Variants in RALGAPA1 observed in about 807,000 individuals in gnomAD.
The protein encoded by RALGAPA1 is Ral GTPase activating protein catalytic subunit alpha 1, also known as ral GTPase-activating protein subunit alpha-1.
In RALGAPA1, 52 loss-of-function variants were observed where a neutral mutation model predicts 269.6. That is an observed-to-expected ratio of 0.19 (90% CI 0.15 to 0.24). RALGAPA1 has a LOEUF of 0.24. Ranked by LOEUF, RALGAPA1 falls within the 10% of genes least tolerant of loss-of-function variation. RALGAPA1 has a pLI of 1.00. For synonymous variants in RALGAPA1, 817 were observed against 1,008.3 expected, an observed-to-expected ratio of 0.81 and a Z score of 3.60; for missense variants, 1,917 against 3,013.9, an observed-to-expected ratio of 0.64 and a Z score of 8.52.
At chr14:35,598,380 T>C (rs2059054169) in intron 36 of RALGAPA1, among the ~76,000 whole-genome samples, 1 of 151,088 alleles carries the variant, frequency 6.6e-6, no homozygotes, top group African/African-American at 2.4e-5. Flanking sequence ...ATCCTTTTAC[T>C]TTCTGCCAGT....
intron 1 of RALGAPA1, among the ~76,000 whole-genome samples, chr14:35,795,325 G>A (rs966298563): frequency 1.3e-5 from 2 of 152,052 alleles, no homozygotes; most frequent in Non-Finnish European, 2.9e-5. Flanking sequence ...CACCAAGAAG[G>A]AGACAGCTAC....
chr14:35,576,995 T>C (rs2057606552), intron 37 of RALGAPA1, among the ~76,000 whole-genome samples: 6 of 152,244 alleles, frequency 3.9e-5, no homozygotes, highest in African/African-American at 1.4e-4. Flanking sequence ...AAATGCTTTA[T>C]TGCAGTCTAT....
At chr14:35,756,726 G>A in intron 7 of RALGAPA1, 67 bp downstream of exon 7, 3 of 1,119,288 alleles carry the variant, frequency 2.7e-6, no homozygotes, top group South Asian at 3.1e-5. Flanking sequence ...ATAATGGTAA[G>A]AGACAGAAAA....
chr14:35,583,124 A>T (rs1371993497), intron 37 of RALGAPA1, among the ~76,000 whole-genome samples: 2 of 152,256 alleles, frequency 1.3e-5, no homozygotes, highest in African/African-American at 4.8e-5. Context: ...CACCAGAGTC[A>T]GATGTGGCAG....
In RALGAPA1 at chr14:35,774,966, A is replaced by G. The variant is rs1369259736; in HGVS notation, c.267+40T>C. 6 of 1,275,854 alleles carry G rather than the reference A, an allele frequency of 4.7e-6. 1 individual carries two copies. In the South Asian group the frequency reaches 7.7e-5, roughly 16 times the overall value. 79.0% of individuals were successfully genotyped at this position (1,275,854 alleles called of 1,614,324 possible). A position where few individuals can be genotyped will look rare whatever the true frequency, so the allele number is the denominator to read the frequency against. On this transcript the variant is annotated intron_variant, in intron 3 of 41. Coordinates refer to ENST00000680220, the MANE Select transcript of RALGAPA1 (RefSeq NM_001346249.2). ...TATTCCTTTGTATGTTCCAAAAATTATTTTTGAAAAAGGGAAAAGTTAGGT... is the reference window on the plus strand; with the variant it reads ...TATTCCTTTGTATGTTCCAAAAATTGTTTTTGAAAAAGGGAAAAGTTAGGT...
chr14:35,702,726 A>AAAATAT (rs1555409672), intron 16 of RALGAPA1, among the ~76,000 whole-genome samples: 1 of 143,500 alleles, frequency 7.0e-6, no homozygotes, highest in African/African-American at 2.6e-5. Flanking sequence ...AAAAAAAAAA[A>AAAATAT]ATATATATAT....
intron 28 of RALGAPA1, among the ~76,000 whole-genome samples, chr14:35,658,727 TA>T (rs1443015115): frequency 6.6e-6 from 1 of 151,314 alleles, no homozygotes; most frequent in Non-Finnish European, 1.5e-5. Context: ...TAAAATATAC[TA>T]TTTTCTTAGA....
intron 16 of RALGAPA1, chr14:35,715,724 C>T: frequency 2.0e-6 from 2 of 985,286 alleles, no homozygotes; most frequent in Non-Finnish European, 2.4e-6. Flanking sequence ...TAACTTGTAT[C>T]CTTCTCAAGA....
chr14:35,587,261 T>C (rs997423081), intron 37 of RALGAPA1, among the ~76,000 whole-genome samples: 1 of 152,218 alleles, frequency 6.6e-6, no homozygotes, highest in African/African-American at 2.4e-5. Context: ...GAGGTGTTTA[T>C]AGTCTCTGAT....
chr14:35,674,713 T>A lies in RALGAPA1; in HGVS notation c.4625-4A>T, dbSNP rs752247031. 6.6e-7 allele frequency: 1 copy of A among 1,505,040 alleles called. No homozygotes were observed. The allele number at this position is 1,505,040 out of a possible 1,614,324, so 93.2% of individuals were successfully genotyped here. On this transcript the variant is annotated splice_polypyrimidine_tract_variant and splice_region_variant and intron_variant, in intron 22 of 41. Coordinates refer to ENST00000680220, the MANE Select transcript of RALGAPA1 (RefSeq NM_001346249.2). The stretch of plus-strand genomic sequence containing the variant: ...TCTGATGGAAATTCACTAATTTCTA[T>A]AGAAAAAAATATATAGTGTCAGCCA...
chr14:35,805,315 G>A (rs1476377545), intron 1 of RALGAPA1, among the ~76,000 whole-genome samples: 2 of 151,258 alleles, frequency 1.3e-5, no homozygotes, highest in Non-Finnish European at 2.9e-5. Context: ...GGTGGCGTGC[G>A]CCTGTAATCC....
At chr14:35,792,132 G>A (rs767894711) in intron 1 of RALGAPA1, among the ~76,000 whole-genome samples, 14 of 152,058 alleles carry the variant, frequency 9.2e-5, no homozygotes, top group Non-Finnish European at 1.8e-4. Flanking sequence ...GAAAGCCATA[G>A]AGGGTTTTAG....
At chr14:35,571,391 T>TTTA (rs1555360499) in intron 38 of RALGAPA1, among the ~76,000 whole-genome samples, 4 of 150,942 alleles carry the variant, frequency 2.7e-5, no homozygotes, top group African/African-American at 7.3e-5. Context: ...TTTTTTTTTT[T>TTTA]AATTCTTTAA....
At chr14:35,564,297 A>C (rs987077627) in intron 39 of RALGAPA1, 1 of 152,234 alleles carries the variant, frequency 6.6e-6, no homozygotes, top group African/African-American at 2.4e-5. Context: ...CAGTAGATAC[A>C]TAAAATTACA....
At chr14:35,772,979 C>T (rs1247966290) in intron 3 of RALGAPA1, among the ~76,000 whole-genome samples, 3 of 152,168 alleles carry the variant, frequency 2.0e-5, no homozygotes, top group Non-Finnish European at 4.4e-5. Flanking sequence ...ACATGAGACA[C>T]ATAAACTCTT....
intron 4 of RALGAPA1, 24 bp downstream of exon 4, chr14:35,770,918 G>A: frequency 9.8e-7 from 1 of 1,015,390 alleles, no homozygotes. Context: ...TTTCAAATAT[G>A]AAATACATAT....
At chr14:35,748,427 TG>T in intron 10 of RALGAPA1, 157 bp downstream of exon 10, 1 of 705,018 alleles carries the variant, frequency 1.4e-6, no homozygotes, top group Non-Finnish European at 2.0e-6. Context: ...TTGTCCAAAG[TG>T]GCCTCAAACT....
chr14:35,732,323 C>T (rs535114785), intron 12 of RALGAPA1, among the ~76,000 whole-genome samples: 45 of 150,868 alleles, frequency 3.0e-4, no homozygotes, highest in African/African-American at 7.1e-4. Context: ...AACAAAAATA[C>T]GATTTAAAAA....
chr14:35,595,138 G>A (rs2058854871), intron 37 of RALGAPA1, among the ~76,000 whole-genome samples: 1 of 151,806 alleles, frequency 6.6e-6, no homozygotes, highest in Non-Finnish European at 1.5e-5. Flanking sequence ...TAACACAGTG[G>A]TTACCAGGGG....
Sources: allele counts gnomAD v4.1 joint callset (sites outside exome capture counted in the v4.1 genomes callset), GRCh38; gene constraint gnomAD v4.1.1; transcripts MANE v1.5; gene names NCBI Gene and HGNC (gene_info 2026-07-23, HGNC 2026-07-21).